The following TRIM33 variants were observed in gnomAD, a reference collection of about 807,000 sequenced individuals.
TRIM33 encodes the protein E3 ubiquitin-protein ligase TRIM33.
TRIM33 carries 20 observed loss-of-function variants against 125.4 expected under a neutral mutation model. The observed-to-expected ratio is 0.16, with a 90% CI of 0.11 to 0.23. The LOEUF (loss-of-function observed/expected upper bound fraction) is 0.23. TRIM33 is among the 10% of genes least tolerant of loss of function. The pLI, the probability that TRIM33 is intolerant of heterozygous loss-of-function variation, is 1.00. For synonymous variants in TRIM33, 564 were observed against 513.9 expected (o/e 1.10, Z -1.32); for missense variants, 920 against 1,411.4 (o/e 0.65, Z 5.58).
At chr1:114,507,202 C>A (rs1570692384) in intron 1 of TRIM33, among the ~76,000 whole-genome samples, 2 of 152,226 alleles carry the variant, frequency 1.3e-5, no homozygotes, top group Admixed American at 1.3e-4. Flanking sequence ...TCATTCAAGA[C>A]AGTGGTTCTC....
chr1:114,397,610 T>TTTTTTTTTTTTTTCTTTC lies in TRIM33; in HGVS notation c.*37_*38insGAAAGAAAAAAAAAAAAA. 8.1e-7 allele frequency: 1 copy of TTTTTTTTTTTTTTCTTTC among 1,236,556 alleles called. No homozygotes were observed. The highest frequency in any genetic ancestry group is 1.1e-6 in the Non-Finnish European group (1 of 882,680). 76.6% of individuals were successfully genotyped at this position (1,236,556 alleles called of 1,614,324 possible). A position where few individuals can be genotyped will look rare whatever the true frequency, so the allele number is the denominator to read the frequency against. On this transcript the variant is annotated 3_prime_UTR_variant, in exon 20 of 20. Transcript: ENST00000358465. ...TTGTGTTTTTTTTTTTTTTTTCGTTTTTTTTTTTTTAAACAATTGATTTAA... is the reference window on the plus strand; with the variant it reads ...TTGTGTTTTTTTTTTTTTTTTCGTTTTTTTTTTTTTTTTCTTTCTTTTTTTTTTAAACAATTGATTTAA...
chr1:114,399,669 G>C lies in TRIM33; in HGVS notation c.2968-60C>G. On this transcript the variant is annotated intron_variant, in intron 17 of 19. Coordinates refer to ENST00000358465, the MANE Select transcript of TRIM33 (RefSeq NM_015906.4). Reference sequence around the variant, plus strand: ...CCAAAAATGCCAAACTGTTTAATTTGAAAATGCATAGCATATTAATTTTAG... The same window carrying C: ...CCAAAAATGCCAAACTGTTTAATTTCAAAATGCATAGCATATTAATTTTAG... 5 of 1,378,380 alleles carry C rather than the reference G, an allele frequency of 3.6e-6. No individual in the cohort carries two copies. The South Asian group carries it at 6.5e-5, about 18-fold the overall frequency. 85.4% of individuals were successfully genotyped at this position (1,378,380 alleles called of 1,614,324 possible). A position where few individuals can be genotyped will look rare whatever the true frequency, so the allele number is the denominator to read the frequency against.
Position 114,397,930 on chromosome 1 carries a change from A to G in TRIM33, c.3171+10T>C. 6.2e-7 allele frequency: 1 copy of G among 1,613,978 alleles called. No individual in the cohort carries two copies. Among genetic ancestry groups the G allele is most frequent in the South Asian group, 1.1e-5 (1 of 91,078 alleles). The stretch of plus-strand genomic sequence containing the variant: ...TCCTTCACCAAGTTTGCATGGTCTG[A>G]AAAGCTTACCTTCAAATTAATCTCT... On this transcript the variant is annotated intron_variant, in intron 19 of 19. Coordinates refer to ENST00000358465, the MANE Select transcript of TRIM33 (RefSeq NM_015906.4).
intron 4 of TRIM33, among the ~76,000 whole-genome samples, chr1:114,447,153 G>C (rs1214968141): frequency 6.6e-6 from 1 of 152,138 alleles, no homozygotes; most frequent in East Asian, 1.9e-4. Context: ...ATTCACTCTA[G>C]CAGTTGTATT....
intron 18 of TRIM33, among the ~76,000 whole-genome samples, chr1:114,398,898 C>CAAAAAAAAAAAAA (rs372853872): frequency 9.9e-5 from 6 of 60,756 alleles, no homozygotes; most frequent in African/African-American, 2.2e-4. Flanking sequence ...AACTTACCCT[C>CAAAAAAAAAAAAA]AAAAAAAAAA....
At chr1:114,416,437 T>G (rs1317222879) in intron 11 of TRIM33, among the ~76,000 whole-genome samples, 1 of 152,196 alleles carries the variant, frequency 6.6e-6, no homozygotes. Context: ...TCTAGTTACC[T>G]AACTATATCA....
chr1:114,442,219 C>T (rs923440047), intron 4 of TRIM33, among the ~76,000 whole-genome samples: 1 of 152,144 alleles, frequency 6.6e-6, no homozygotes, highest in Non-Finnish European at 1.5e-5. Context: ...AATAAACAAA[C>T]CATTTTGTCT....
At chr1:114,484,831 C>T (rs917593535) in intron 1 of TRIM33, among the ~76,000 whole-genome samples, 3 of 152,022 alleles carry the variant, frequency 2.0e-5, no homozygotes, top group Non-Finnish European at 4.4e-5. Context: ...CACCACTGCA[C>T]TCCAGCCTGG....
intron 18 of TRIM33, 135 bp downstream of exon 18, chr1:114,399,322 A>C (rs1309208743): frequency 1.5e-6 from 1 of 678,248 alleles, no homozygotes; most frequent in African/African-American, 1.8e-5. Flanking sequence ...AGCTGTTAAT[A>C]CAATCAGATG....
At chr1:114,481,801 C>G (rs1651376913) in intron 1 of TRIM33, among the ~76,000 whole-genome samples, 4 of 151,572 alleles carry the variant, frequency 2.6e-5, no homozygotes, top group African/African-American at 9.7e-5. Flanking sequence ...ACTCTATCGC[C>G]CAGGCTGGAG....
chr1:114,494,522 T>C (rs942566082), intron 1 of TRIM33, among the ~76,000 whole-genome samples: 3 of 152,040 alleles, frequency 2.0e-5, no homozygotes, highest in Non-Finnish European at 4.4e-5. Flanking sequence ...AAAACACAAC[T>C]GCTAGGCAAG....
In TRIM33 at chr1:114,464,312, G is replaced by C; in HGVS notation, c.603C>G (p.Asp201Glu). ...IDLVDNYFVK[D>E]TSEAPSSSDE... ...CAGAACTGCTAGGAGCTTCAGATGT[G>C]TCTTTCACAAAATAATTATCCACAA... Residue 201 changes from aspartate to glutamate, a missense_variant, in exon 2 of 20, where the codon GAC becomes GAG. Coordinates refer to ENST00000358465, the MANE Select transcript of TRIM33 (RefSeq NM_015906.4). 6.2e-7 allele frequency: 1 copy of C among 1,611,660 alleles called. No homozygotes were observed.
At chr1:114,411,040 CTTCTT>C (rs978406947) in intron 11 of TRIM33, among the ~76,000 whole-genome samples, 13 of 152,018 alleles carry the variant, frequency 8.6e-5, no homozygotes, top group African/African-American at 3.1e-4. Context: ...TGGTCATATT[CTTCTT>C]TTATTTATTT....
intron 1 of TRIM33, among the ~76,000 whole-genome samples, chr1:114,503,346 T>C (rs1652817520): frequency 6.6e-6 from 1 of 152,100 alleles, no homozygotes; most frequent in Non-Finnish European, 1.5e-5. Context: ...CCAGGCATGG[T>C]AGCGTGTGCC....
chr1:114,423,977 T>C (rs1433237181), intron 10 of TRIM33, among the ~76,000 whole-genome samples: 1 of 152,082 alleles, frequency 6.6e-6, no homozygotes, highest in African/African-American at 2.4e-5. Context: ...TTCTAAGAGT[T>C]AAAAAATAAA....
intron 6 of TRIM33, among the ~76,000 whole-genome samples, chr1:114,428,350 A>C (rs1449603263): frequency 6.6e-6 from 1 of 152,238 alleles, no homozygotes; most frequent in African/African-American, 2.4e-5. Context: ...CAAAATGAAA[A>C]AGATAACTTC....
At chr1:114,474,303 G>C (rs1241971951) in intron 1 of TRIM33, among the ~76,000 whole-genome samples, 2 of 151,838 alleles carry the variant, frequency 1.3e-5, no homozygotes, top group Non-Finnish European at 2.9e-5. Flanking sequence ...TGGTGCGGTG[G>C]CTCACACCTG....
intron 1 of TRIM33, among the ~76,000 whole-genome samples, chr1:114,478,945 G>T (rs1651135002): frequency 6.6e-6 from 1 of 152,184 alleles, no homozygotes; most frequent in Non-Finnish European, 1.5e-5. Flanking sequence ...CTACTCCAGA[G>T]GCTGAGGCAG....
chr1:114,425,419 C>G lies in TRIM33; in HGVS notation c.1695+30G>C. ...TGTAGTGTTGAGGGCTTCATAATTT[C>G]TATCAATAATGTAGTAACACGATAC... On this transcript the variant is annotated intron_variant, in intron 9 of 19. Coordinates refer to ENST00000358465, the MANE Select transcript of TRIM33 (RefSeq NM_015906.4). 1.9e-6 allele frequency: 3 copies of G among 1,605,588 alleles called. No homozygotes were observed. The South Asian group carries it at 3.3e-5, about 18-fold the overall frequency.
Sources: allele counts gnomAD v4.1 joint callset (sites outside exome capture counted in the v4.1 genomes callset), GRCh38; gene constraint gnomAD v4.1.1; transcripts MANE v1.5; gene names NCBI Gene and HGNC (gene_info 2026-07-23, HGNC 2026-07-21).